Variants in ZNF566 observed in about 807,000 individuals in gnomAD.
ZNF566 encodes the protein zinc finger protein 566.
A neutral mutation model predicts 32.8 loss-of-function variants in ZNF566; 27 were observed. That is an observed-to-expected ratio of 0.82 (90% CI 0.61 to 1.14). ZNF566 has a LOEUF of 1.14. Among genes scored for constraint, ZNF566 ranks in the 50% most tolerant of loss-of-function variants. The pLI, the probability that ZNF566 is intolerant of heterozygous loss-of-function variation, is 0.00. For missense variants in ZNF566, 402 were observed against 490.4 expected (o/e 0.82, Z 1.70); for synonymous variants, 154 against 159.5 (o/e 0.97, Z 0.26).
At chr19:36,476,705 G>A in intron 1 of ZNF566, 89 bp from the exon 2 acceptor site, 1 of 1,103,382 alleles carries the variant, frequency 9.1e-7, no homozygotes, top group Non-Finnish European at 1.3e-6. Flanking sequence ...TCATGCTTCA[G>A]AAATGCTTGT....
At chr19:36,451,304 A>G (rs1390905912) in intron 4 of ZNF566, among the ~76,000 whole-genome samples, 2 of 152,236 alleles carry the variant, frequency 1.3e-5, no homozygotes, top group African/African-American at 2.4e-5. Flanking sequence ...TGGAATGAAC[A>G]TAGTATGAGT....
chr19:36,481,335 GC>G (rs1390948316), intron 1 of ZNF566, among the ~76,000 whole-genome samples: 2 of 151,856 alleles, frequency 1.3e-5, no homozygotes, highest in African/African-American at 4.8e-5. Context: ...GCTGGGCGTG[GC>G]GGCACGCGCC....
chr19:36,472,308 C>A (rs1212419716), intron 4 of ZNF566, among the ~76,000 whole-genome samples: 5 of 152,192 alleles, frequency 3.3e-5, no homozygotes, highest in Non-Finnish European at 7.3e-5. Flanking sequence ...ACCTCGTTAG[C>A]CCTCACTTTC....
rs751048698 is a variant in ZNF566 at position 36,449,197 on chromosome 19, T to G, written c.1037A>C (p.Lys346Thr). 2.5e-5 allele frequency: 41 copies of G among 1,614,096 alleles called. No individual in the cohort carries two copies. Among genetic ancestry groups the G allele is most frequent in the Non-Finnish European group, 3.5e-5 (41 of 1,179,982 alleles). ...EKPYECKECE[K>T]AFRSGSDLTR... ...AAGGTCTGAGCCAGAACGAAAAGCC[T>G]TTTCACATTCCTTACATTCGTAAGG... The change falls in exon 5 of 5, where the codon AAG (lysine) becomes ACG (threonine). Residue 346 changes from lysine (K) to threonine (T), a missense_variant. Physicochemically the swap from Lys to Thr is moderately conservative, Grantham distance 78. Around this residue, in one of 3 missense-constraint regions of ZNF566, gnomAD observed 135 missense variants for 210.0 expected, o/e 0.64. Coordinates refer to ENST00000452939, the MANE Select transcript of ZNF566 (RefSeq NM_001145344.1).
chr19:36,449,854 T>G lies in ZNF566; in HGVS notation c.380A>C (p.Gln127Pro), dbSNP rs553107744. ...CTGAGAGCCGAGTTCTTTCTTAAAC[T>G]GCCGATTACATTCCCAATCATCTCT... ...SFRDDWECNR[Q>P]FKKELGSQGG... is the part of the protein sequence containing the mutation. Residue 127 changes from glutamine to proline, a missense_variant, in exon 5 of 5, where the codon CAG (glutamine) becomes CCG (proline). Gln to Pro is a moderately conservative substitution (Grantham distance 76, BLOSUM62 -1). This residue lies in a region of ZNF566 where 220 missense variants were observed against 241.9 expected (regional missense o/e 0.91). Coordinates refer to ENST00000452939, the MANE Select transcript of ZNF566 (RefSeq NM_001145344.1). 1.4e-5 allele frequency: 23 copies of G among 1,614,174 alleles called. No individual in the cohort carries two copies. The South Asian group carries it at 2.4e-4, about 17-fold the overall frequency.
chr19:36,476,644 G>C (rs1367625167), intron 1 of ZNF566, 28 bp from the exon 2 acceptor site: 1 of 1,581,134 alleles, frequency 6.3e-7, no homozygotes, highest in Non-Finnish European at 8.6e-7. Context: ...AGATAGATAA[G>C]ACCCCACTTT....
At chr19:36,452,664 T>G (rs2033186589) in intron 4 of ZNF566, among the ~76,000 whole-genome samples, 1 of 151,728 alleles carries the variant, frequency 6.6e-6, no homozygotes, top group Non-Finnish European at 1.5e-5. Flanking sequence ...ACACTAGATT[T>G]AACTTGTAAG....
chr19:36,478,971 A>C (rs1384141550), intron 1 of ZNF566, among the ~76,000 whole-genome samples: 1 of 152,192 alleles, frequency 6.6e-6, no homozygotes, highest in Non-Finnish European at 1.5e-5. Context: ...GCTGAGAGAA[A>C]TAGGAACTGA....
At chr19:36,460,244 T>C (rs1475372340) in intron 4 of ZNF566, among the ~76,000 whole-genome samples, 1 of 152,024 alleles carries the variant, frequency 6.6e-6, no homozygotes, top group Non-Finnish European at 1.5e-5. Context: ...GACACCAAAA[T>C]AAAGGTGACT....
intron 1 of ZNF566, among the ~76,000 whole-genome samples, chr19:36,481,017 T>C (rs1446922385): frequency 2.6e-5 from 4 of 151,514 alleles, no homozygotes; most frequent in African/African-American, 9.7e-5. Flanking sequence ...AACTCCGGCC[T>C]GGGCAACAAG....
intron 1 of ZNF566, among the ~76,000 whole-genome samples, chr19:36,488,336 C>T (rs1328612679): frequency 6.6e-6 from 1 of 152,150 alleles, no homozygotes; most frequent in Admixed American, 6.6e-5. Flanking sequence ...CTCAAGTGAT[C>T]CTCTCACCTT....
chr19:36,472,011 T>G (rs893346795), intron 4 of ZNF566, among the ~76,000 whole-genome samples: 7 of 152,186 alleles, frequency 4.6e-5, no homozygotes, highest in African/African-American at 2.4e-5. Context: ...CCCAAAGTGC[T>G]GGGATTACAG....
intron 4 of ZNF566, among the ~76,000 whole-genome samples, chr19:36,459,201 T>C (rs1257923926): frequency 6.6e-6 from 1 of 152,230 alleles, no homozygotes; most frequent in Non-Finnish European, 1.5e-5. Context: ...AAGGAAAATA[T>C]GGCAATGATA....
At chr19:36,488,224 T>G (rs4514798) in intron 1 of ZNF566, among the ~76,000 whole-genome samples, 1 of 151,934 alleles carries the variant, frequency 6.6e-6, no homozygotes, top group Non-Finnish European at 1.5e-5. Flanking sequence ...CTAGGACTTA[T>G]AGGTGCCAGC....
At chr19:36,481,495 A>G (rs1018888136) in intron 1 of ZNF566, among the ~76,000 whole-genome samples, 3 of 144,082 alleles carry the variant, frequency 2.1e-5, no homozygotes, top group African/African-American at 7.6e-5. Context: ...AAAAAAAAAA[A>G]GAAAAGAACA....
chr19:36,450,336 A>G (rs993441073), intron 4 of ZNF566, among the ~76,000 whole-genome samples: 1 of 152,028 alleles, frequency 6.6e-6, no homozygotes, highest in Non-Finnish European at 1.5e-5. Flanking sequence ...ATAGCATCTC[A>G]TAGTATGAAT....
At chr19:36,481,571 G>C (rs2034034497) in intron 1 of ZNF566, among the ~76,000 whole-genome samples, 1 of 151,780 alleles carries the variant, frequency 6.6e-6, no homozygotes, top group Non-Finnish European at 1.5e-5. Flanking sequence ...TATTCTGTTA[G>C]GTGGGCTGTG....
chr19:36,461,052 T>C (rs992764605), intron 4 of ZNF566, among the ~76,000 whole-genome samples: 9 of 151,950 alleles, frequency 5.9e-5, no homozygotes, highest in African/African-American at 1.2e-4. Flanking sequence ...TGTGTGAGAG[T>C]AGGCAATAGT....
intron 1 of ZNF566, among the ~76,000 whole-genome samples, chr19:36,480,121 G>A (rs1445049121): frequency 6.6e-6 from 1 of 152,028 alleles, no homozygotes; most frequent in Non-Finnish European, 1.5e-5. Flanking sequence ...AGCCGAGATA[G>A]CTTGGAAAAG....
Sources: allele counts gnomAD v4.1 joint callset (sites outside exome capture counted in the v4.1 genomes callset), GRCh38; gene constraint gnomAD v4.1.1; regional missense constraint gnomAD v4.1.1; transcripts MANE v1.5; gene names NCBI Gene and HGNC (gene_info 2026-07-23, HGNC 2026-07-21).